GLIS1: variants seen among roughly 807,000 people sequenced by gnomAD.
GLIS1 encodes the protein GLIS family zinc finger 1.
Under a neutral mutation model 63.8 loss-of-function variants are expected in GLIS1, and 24 were observed. That is an observed-to-expected ratio of 0.38 (90% CI 0.27 to 0.53). GLIS1 has a LOEUF of 0.53. GLIS1 is among the 20% of genes least tolerant of loss of function. The pLI is 0.85. For missense variants in GLIS1, 1,036 were observed against 1,074.1 expected (o/e 0.96, Z 0.50); for synonymous variants, 450 against 482.5 (o/e 0.93, Z 0.88).
intron 6 of GLIS1, among the ~76,000 whole-genome samples, chr1:53,524,571 G>T (rs1455358484): frequency 6.6e-6 from 1 of 152,232 alleles, no homozygotes; most frequent in African/African-American, 2.4e-5. Context: ...GCCAGCTGGG[G>T]GTGTGGAAGG....
At chr1:53,557,082 T>C (rs1485837646) in intron 4 of GLIS1, among the ~76,000 whole-genome samples, 1 of 151,962 alleles carries the variant, frequency 6.6e-6, no homozygotes, top group Admixed American at 6.6e-5. Flanking sequence ...AGCATATGTG[T>C]GTGCAGGTAT....
In GLIS1 at chr1:53,639,199, G is replaced by A. The variant is rs1356581791; in HGVS notation, c.260-38921C>T. Reference sequence around the variant, plus strand: ...TTCTAGAGATGAAGCCACACCAGCCGATGCAGAGTACCCACATGACACTGG... The same window carrying A: ...TTCTAGAGATGAAGCCACACCAGCCAATGCAGAGTACCCACATGACACTGG... On this transcript the variant is annotated intron_variant, in intron 2 of 10. Transcript: ENST00000628545. This position sits in a 1 kb window ranked among gnomAD's most constrained non-coding sequence, Gnocchi z 4.6. Among the ~76,000 whole-genome samples, 1 of 152,138 alleles carries A rather than the reference G, an allele frequency of 6.6e-6. No homozygotes were observed. Among genetic ancestry groups the A allele is most frequent in the African/African-American group, 2.4e-5 (1 of 41,430 alleles).
chr1:53,692,650 G>A (rs1233288280), intron 2 of GLIS1, among the ~76,000 whole-genome samples: 1 of 152,218 alleles, frequency 6.6e-6, no homozygotes, highest in Non-Finnish European at 1.5e-5. Context: ...TACTGAGGGT[G>A]TGGGCTCTAG....
intron 4 of GLIS1, among the ~76,000 whole-genome samples, chr1:53,543,226 A>G (rs1293587574): frequency 6.6e-6 from 1 of 152,214 alleles, no homozygotes; most frequent in Non-Finnish European, 1.5e-5. Context: ...GAGCACTAGC[A>G]GTCCTCCCTC....
intron 2 of GLIS1, among the ~76,000 whole-genome samples, chr1:53,652,683 A>G (rs1321446374): frequency 6.6e-6 from 1 of 152,108 alleles, no homozygotes; most frequent in Non-Finnish European, 1.5e-5. Context: ...GATCTCTTCC[A>G]TGTGTTTCCC....
chr1:53,539,260 A>C lies in GLIS1; in HGVS notation c.1321-9308T>G, dbSNP rs1044155509. Among the ~76,000 whole-genome samples the C allele has an allele frequency of 5.6e-5, 8 of 142,514 alleles. No homozygotes were observed. Among genetic ancestry groups the C allele is most frequent in the Non-Finnish European group, 1.2e-4 (8 of 65,620 alleles). The allele number at this position is 142,514 out of a possible 152,430, so 93.5% of individuals were successfully genotyped here. A position where few individuals can be genotyped will look rare whatever the true frequency, so the allele number is the denominator to read the frequency against. On this transcript the variant is annotated intron_variant, in intron 4 of 10. Transcript: ENST00000628545. The surrounding 1 kb of genome is among the most constrained non-coding windows in gnomAD (Gnocchi z 5.0). The stretch of plus-strand genomic sequence containing the variant: ...CACATGGATTCACACACACACACAC[A>C]CCAAGACCCAGAAACTCCCTCACAC...
At chr1:53,561,936 G>C (rs1388902033) in intron 4 of GLIS1, among the ~76,000 whole-genome samples, 2 of 152,186 alleles carry the variant, frequency 1.3e-5, no homozygotes, top group Non-Finnish European at 2.9e-5. Flanking sequence ...CCGTCTCAGA[G>C]GTGGTGAGAC....
At chr1:53,612,309 G>A (rs935926312) in intron 2 of GLIS1, among the ~76,000 whole-genome samples, 2 of 151,760 alleles carry the variant, frequency 1.3e-5, no homozygotes, top group African/African-American at 4.8e-5. Flanking sequence ...GCGCGATCTC[G>A]GCTCACAGCA....
chr1:53,577,518 G>A (rs573754635), intron 4 of GLIS1, among the ~76,000 whole-genome samples: 1 of 152,308 alleles, frequency 6.6e-6, no homozygotes, highest in African/African-American at 2.4e-5. Flanking sequence ...CTTGAGTGCG[G>A]GAAGTGAAGT....
At chr1:53,616,813 C>G (rs894842768) in intron 2 of GLIS1, among the ~76,000 whole-genome samples, 9 of 152,270 alleles carry the variant, frequency 5.9e-5, no homozygotes, top group South Asian at 2.1e-4. Flanking sequence ...CCAAGTCCCT[C>G]CGAGGCTCGG....
intron 2 of GLIS1, among the ~76,000 whole-genome samples, chr1:53,618,398 T>A (rs552847468): frequency 6.6e-6 from 1 of 152,288 alleles, no homozygotes; most frequent in Non-Finnish European, 1.5e-5. Context: ...CTAGGGTGGG[T>A]CACCAGGCCA....
At chr1:53,667,630 T>C (rs1049340066) in intron 2 of GLIS1, among the ~76,000 whole-genome samples, 3 of 152,120 alleles carry the variant, frequency 2.0e-5, no homozygotes, top group Non-Finnish European at 2.9e-5. Flanking sequence ...ATAAAACACC[T>C]AACACTGGGT....
At chr1:53,619,728 A>G (rs2100592998) in intron 2 of GLIS1, among the ~76,000 whole-genome samples, 2 of 152,362 alleles carry the variant, frequency 1.3e-5, no homozygotes, top group African/African-American at 4.8e-5. Context: ...AGCCATTCCT[A>G]TGGGAACTGT....
intron 4 of GLIS1, among the ~76,000 whole-genome samples, chr1:53,542,561 AT>A (rs1162781531): frequency 6.6e-6 from 1 of 152,198 alleles, no homozygotes; most frequent in Non-Finnish European, 1.5e-5. Flanking sequence ...CACCTCCCAA[AT>A]TAGTTGGGGG....
chr1:53,728,772 A>G (rs972114599), intron 2 of GLIS1, among the ~76,000 whole-genome samples: 1 of 152,270 alleles, frequency 6.6e-6, no homozygotes, highest in South Asian at 2.1e-4. Flanking sequence ...TTCCAGGTCT[A>G]AGGCCGCATA....
intron 2 of GLIS1, among the ~76,000 whole-genome samples, chr1:53,728,899 A>G (rs1341046656): frequency 6.6e-6 from 1 of 152,238 alleles, no homozygotes; most frequent in Non-Finnish European, 1.5e-5. Context: ...CTGGCTGTCA[A>G]TCTACATGCC....
intron 2 of GLIS1, among the ~76,000 whole-genome samples, chr1:53,693,552 C>A (rs1404426489): frequency 6.6e-6 from 1 of 152,230 alleles, no homozygotes; most frequent in African/African-American, 2.4e-5. Flanking sequence ...GAGCTGCCCC[C>A]ACAGCCCAGC....
chr1:53,687,322 G>A (rs1646348051), intron 2 of GLIS1, among the ~76,000 whole-genome samples: 1 of 152,122 alleles, frequency 6.6e-6, no homozygotes, highest in Non-Finnish European at 1.5e-5. Flanking sequence ...ATTTTTAGGG[G>A]GTGGGCAGTG....
chr1:53,555,312 C>T (rs1238680153), intron 4 of GLIS1, among the ~76,000 whole-genome samples: 1 of 152,118 alleles, frequency 6.6e-6, no homozygotes, highest in Non-Finnish European at 1.5e-5. Context: ...GGGCGGATCA[C>T]GAGGTCAGGA....
Sources: gnomAD v4.1 joint callset for allele counts (sites outside exome capture counted in the v4.1 genomes callset) on GRCh38, gnomAD v4.1.1 for gene constraint, Gnocchi (gnomAD v3.1) non-coding constraint, MANE v1.5 for transcripts, NCBI Gene and HGNC (gene_info 2026-07-23, HGNC 2026-07-21) for gene names.